Variants in TENM1 observed in about 807,000 individuals in gnomAD.
TENM1 encodes the protein teneurin transmembrane protein 1, also known as teneurin-1.
TENM1 carries 35 observed loss-of-function variants against 174.8 expected under a neutral mutation model. The observed-to-expected ratio is 0.20, with a 90% CI of 0.15 to 0.27. The LOEUF is 0.27. Among genes scored for constraint, TENM1 ranks in the 10% least tolerant of loss-of-function variants. The pLI is 1.00. For missense variants in TENM1, 1,633 were observed against 2,130.1 expected (o/e 0.77, Z 4.59); for synonymous variants, 781 against 798.7 (o/e 0.98, Z 0.37).
At chrX:125,043,074 T>C in the TENM1 span, among the ~76,000 whole-genome samples, 54 of 108,845 alleles carry the variant, frequency 5.0e-4, no homozygotes, top group African/African-American at 1.7e-3. Flanking sequence ...GAAGAAAACC[T>C]AGGCATTACC....
chrX:124,713,066 T>C (rs1337380563), intron 4 of TENM1, among the ~76,000 whole-genome samples: 4 of 111,413 alleles, frequency 3.6e-5, no homozygotes, highest in Non-Finnish European at 7.5e-5. Flanking sequence ...TCTGTCCACA[T>C]ATTGCTTCTA....
chrX:125,176,456 G>A, the TENM1 span, among the ~76,000 whole-genome samples: 1 of 111,250 alleles, frequency 9.0e-6, no homozygotes. Flanking sequence ...TGCAGACAAA[G>A]CAGTTACCAC....
the TENM1 span, among the ~76,000 whole-genome samples, chrX:124,990,580 T>G: frequency 8.9e-6 from 1 of 112,841 alleles, no homozygotes; most frequent in Non-Finnish European, 1.9e-5. Context: ...TAATATCACC[T>G]TCTCCCACAA....
At chrX:125,090,181 CA>C in the TENM1 span, among the ~76,000 whole-genome samples, 1 of 111,807 alleles carries the variant, frequency 8.9e-6, no homozygotes, top group African/African-American at 3.3e-5. Flanking sequence ...GCTTACTTGT[CA>C]TTCTTCCATT....
the TENM1 span, among the ~76,000 whole-genome samples, chrX:125,142,856 T>C: frequency 8.9e-6 from 1 of 111,804 alleles, no homozygotes; most frequent in South Asian, 3.8e-4. Context: ...AGTGAGAGTA[T>C]GCAAAAGCCC....
chrX:125,117,468 G>C, the TENM1 span, among the ~76,000 whole-genome samples: 9 of 111,141 alleles, frequency 8.1e-5, no homozygotes, highest in East Asian at 2.3e-3. Flanking sequence ...ACCAAACACT[G>C]CATGTTCTCA....
chrX:124,815,893 G>C (rs1169205352), intron 3 of TENM1, among the ~76,000 whole-genome samples: 1 of 111,440 alleles, frequency 9.0e-6, no homozygotes, highest in Non-Finnish European at 1.9e-5. Context: ...GGATTCCTCT[G>C]TATGAAAAAT....
At chrX:124,826,377 C>A (rs1007587133) in intron 3 of TENM1, among the ~76,000 whole-genome samples, 2 of 107,461 alleles carry the variant, frequency 1.9e-5, no homozygotes, top group Admixed American at 1.0e-4. Flanking sequence ...CCACTGCAAT[C>A]TAGCCTGGGT....
chrX:124,601,426 G>A (rs1378461706), intron 11 of TENM1, among the ~76,000 whole-genome samples: 1 of 110,911 alleles, frequency 9.0e-6, no homozygotes, highest in Non-Finnish European at 1.9e-5. Flanking sequence ...GAGAGCCTGG[G>A]TGCAGATCCA....
chrX:124,406,600 G>C, intron 25 of TENM1, 111 bp from the exon 29 acceptor site: 1 of 466,870 alleles, frequency 2.1e-6, no homozygotes. Context: ...GTGATAACAA[G>C]TATTATTAAC....
chrX:124,932,039 C>T (rs968602348), intron 1 of TENM1, among the ~76,000 whole-genome samples: 2 of 111,775 alleles, frequency 1.8e-5, no homozygotes, highest in Non-Finnish European at 3.8e-5. Flanking sequence ...TTGCAAAAGT[C>T]GAATTCTGGG....
At chrX:125,172,633 C>G in the TENM1 span, among the ~76,000 whole-genome samples, 9 of 111,245 alleles carry the variant, frequency 8.1e-5, no homozygotes, top group Admixed American at 8.6e-4. Context: ...ATTTGAAAAA[C>G]AGCAGAAAAT....
At chrX:124,877,101 TA>T (rs1213458083) in intron 3 of TENM1, among the ~76,000 whole-genome samples, 1 of 112,280 alleles carries the variant, frequency 8.9e-6, no homozygotes, top group Non-Finnish European at 1.9e-5. Context: ...GACATCCAGT[TA>T]AAAAATTATA....
chrX:124,690,568 C>A (rs1270556499), intron 5 of TENM1, among the ~76,000 whole-genome samples: 2 of 108,546 alleles, frequency 1.8e-5, no homozygotes, highest in Non-Finnish European at 3.8e-5. Flanking sequence ...GGATGTTTGA[C>A]CCTCCAAATC....
At chrX:125,066,317 T>C in the TENM1 span, among the ~76,000 whole-genome samples, 2 of 111,866 alleles carry the variant, frequency 1.8e-5, no homozygotes, top group African/African-American at 6.5e-5. Context: ...TTCTATCTAC[T>C]ACTGACATTT....
At chrX:125,004,342 G>C in the TENM1 span, among the ~76,000 whole-genome samples, 2 of 111,731 alleles carry the variant, frequency 1.8e-5, no homozygotes, top group Non-Finnish European at 3.8e-5. Flanking sequence ...GTCAGGGCAC[G>C]GTCATAATGA....
chrX:125,032,945 T>C, the TENM1 span, among the ~76,000 whole-genome samples: 1 of 112,145 alleles, frequency 8.9e-6, no homozygotes, highest in African/African-American at 3.2e-5. Flanking sequence ...GTCTATCATG[T>C]GCAAACTGAC....
chrX:124,586,348 T>A (rs1275561446), intron 11 of TENM1, among the ~76,000 whole-genome samples: 1 of 107,380 alleles, frequency 9.3e-6, no homozygotes, highest in Non-Finnish European at 1.9e-5. Context: ...CATGATCAAG[T>A]GGGCTTCATC....
At chrX:124,416,054 G>C (rs2060590655) in intron 25 of TENM1, among the ~76,000 whole-genome samples, 2 of 111,180 alleles carry the variant, frequency 1.8e-5, no homozygotes, top group African/African-American at 6.6e-5. Context: ...TTTACTCACT[G>C]TCTCAGTCTC....
Sources: allele counts gnomAD v4.1 joint callset (sites outside exome capture counted in the v4.1 genomes callset), GRCh38; gene constraint gnomAD v4.1.1; transcripts MANE v1.5; gene names NCBI Gene and HGNC (gene_info 2026-07-23, HGNC 2026-07-21).